COLEC12: variants seen among roughly 807,000 people sequenced by gnomAD.
COLEC12 encodes the protein collectin-12.
In COLEC12, 33 loss-of-function variants were observed where a neutral mutation model predicts 71.1. That is an observed-to-expected ratio of 0.46 (90% CI 0.35 to 0.62). The LOEUF is 0.62. Ranked by LOEUF, COLEC12 falls within the 20% of genes least tolerant of loss-of-function variation. COLEC12 has a pLI of 0.00. For synonymous variants in COLEC12, 350 were observed against 353.0 expected (o/e 0.99, Z 0.10); for missense variants, 765 against 916.1 (o/e 0.84, Z 2.13).
At chr18:352,838 C>G (rs183584486) in intron 3 of COLEC12, among the ~76,000 whole-genome samples, 41 of 152,294 alleles carry the variant, frequency 2.7e-4, no homozygotes, top group African/African-American at 8.7e-4. Flanking sequence ...CTGGAAATTC[C>G]CAGTCTATAG....
At chr18:433,455 C>G (rs1480446332) in intron 2 of COLEC12, among the ~76,000 whole-genome samples, 2 of 152,094 alleles carry the variant, frequency 1.3e-5, no homozygotes, top group Non-Finnish European at 2.9e-5. Flanking sequence ...AGTCTGAAGG[C>G]TATTTGAGTA....
At chr18:459,381 C>A (rs2143730479) in intron 2 of COLEC12, among the ~76,000 whole-genome samples, 1 of 152,260 alleles carries the variant, frequency 6.6e-6, no homozygotes, top group African/African-American at 2.4e-5. Flanking sequence ...TAAGCACTGC[C>A]CATCAGAAAA....
At chr18:433,151 C>T (rs1469927202) in intron 2 of COLEC12, among the ~76,000 whole-genome samples, 1 of 152,156 alleles carries the variant, frequency 6.6e-6, no homozygotes, top group African/African-American at 2.4e-5. Context: ...GGTAGTCCTT[C>T]AAACAAGTTA....
chr18:387,723 T>A (rs894154978), intron 2 of COLEC12, among the ~76,000 whole-genome samples: 13 of 152,338 alleles, frequency 8.5e-5, no homozygotes, highest in African/African-American at 2.9e-4. Flanking sequence ...TTGGGATCTT[T>A]GTTGAGAGAA....
In COLEC12 at chr18:317,490, C is replaced by A. The variant is rs1490070985; in HGVS notation, c.*2555G>T. 1 of 152,168 alleles carries A rather than the reference C, an allele frequency of 6.6e-6. No individual in the cohort carries two copies. The highest frequency in any genetic ancestry group is 2.4e-5 in the African/African-American group (1 of 41,416). The allele number at this position is 152,168 out of a possible 1,614,324, so 9.4% of individuals were successfully genotyped here. On this transcript the variant is annotated 3_prime_UTR_variant, in exon 10 of 10. Transcript: ENST00000400256. ...GAAATGGGGAGTGTAGTAAGACCTG[C>A]TTCCTAGGGCTGTTGGGAGGATCAG...
chr18:471,733 T>C (rs1413214390), intron 2 of COLEC12, among the ~76,000 whole-genome samples: 1 of 151,816 alleles, frequency 6.6e-6, no homozygotes, highest in Non-Finnish European at 1.5e-5. Flanking sequence ...TATTACATTA[T>C]ATATTATAGA....
Position 319,994 on chromosome 18 carries a change from C to A in COLEC12, c.*51G>T. On this transcript the variant is annotated 3_prime_UTR_variant, in exon 10 of 10. Transcript: ENST00000400256. The stretch of plus-strand genomic sequence containing the variant: ...AGGTGATGCAATTAGAAAGGAGTGT[C>A]CTTTGCCTTTGAGAGCTGAAAATTT... 8.8e-7 allele frequency: 1 copy of A among 1,130,238 alleles called. No individual in the cohort carries two copies. The highest frequency in any genetic ancestry group is 1.4e-5 in the South Asian group (1 of 72,864). 70.0% of individuals were successfully genotyped at this position (1,130,238 alleles called of 1,614,324 possible).
chr18:413,411 G>T (rs1386721911), intron 2 of COLEC12, among the ~76,000 whole-genome samples: 1 of 152,204 alleles, frequency 6.6e-6, no homozygotes, highest in Non-Finnish European at 1.5e-5. Context: ...AATGTAAAAT[G>T]GTACAGTCAC....
intron 2 of COLEC12, among the ~76,000 whole-genome samples, chr18:467,168 C>T (rs147092891): frequency 6.2e-4 from 95 of 152,126 alleles, no homozygotes; most frequent in African/African-American, 2.2e-3. Context: ...CTAATGCTGA[C>T]TTCAATTTTC....
intron 5 of COLEC12, among the ~76,000 whole-genome samples, chr18:339,481 G>A (rs1473453930): frequency 1.3e-5 from 2 of 152,192 alleles, no homozygotes; most frequent in Non-Finnish European, 2.9e-5. Flanking sequence ...GGGGGGAAAT[G>A]CACGTTTTTG....
intron 2 of COLEC12, among the ~76,000 whole-genome samples, chr18:465,850 A>G (rs894007074): frequency 6.6e-6 from 1 of 152,134 alleles, no homozygotes; most frequent in African/African-American, 2.4e-5. Context: ...AAGCAGGTGG[A>G]TCACTTGAGG....
At chr18:389,855 C>G (rs903533842) in intron 2 of COLEC12, among the ~76,000 whole-genome samples, 1 of 152,140 alleles carries the variant, frequency 6.6e-6, no homozygotes, top group Non-Finnish European at 1.5e-5. Context: ...TCTCTGAGCC[C>G]AACCAACAAA....
chr18:385,362 T>C (rs1280523499), intron 2 of COLEC12, among the ~76,000 whole-genome samples: 5 of 142,470 alleles, frequency 3.5e-5, no homozygotes, highest in African/African-American at 1.0e-4. Context: ...TCTCGCTCTG[T>C]TGCCCAGGCT....
intron 2 of COLEC12, among the ~76,000 whole-genome samples, chr18:457,219 G>A (rs973711472): frequency 1.3e-5 from 2 of 152,182 alleles, no homozygotes; most frequent in East Asian, 1.9e-4. Flanking sequence ...GATTATGGAC[G>A]CGAGCCGTGT....
intron 2 of COLEC12, among the ~76,000 whole-genome samples, chr18:423,323 C>T (rs1289946145): frequency 6.6e-6 from 1 of 152,108 alleles, no homozygotes; most frequent in East Asian, 1.9e-4. Flanking sequence ...TGCAGGACAT[C>T]GTGTTAACTA....
At chr18:439,987 G>A (rs1567908350) in intron 2 of COLEC12, among the ~76,000 whole-genome samples, 1 of 37,270 alleles carries the variant, frequency 2.7e-5, no homozygotes, top group Non-Finnish European at 6.5e-5. Context: ...TTGTGTGTAT[G>A]AATGCACACA....
rs117950958 is a variant in COLEC12 at position 438,479 on chromosome 18, A to T, written c.58+42228T>A. Among the ~76,000 whole-genome samples, 8 of 152,294 alleles carry T rather than the reference A, an allele frequency of 5.3e-5. No homozygotes were observed. The East Asian group carries it at 1.5e-3, about 29-fold the overall frequency. Reference sequence around the variant, plus strand: ...TAAGTCAAGTTTAGCTGCACTTAATAAAAAAAGACAACATATTAGAGATAC... The same window carrying T: ...TAAGTCAAGTTTAGCTGCACTTAATTAAAAAAGACAACATATTAGAGATAC... On this transcript the variant is annotated intron_variant, in intron 2 of 9. Coordinates refer to ENST00000400256, the MANE Select transcript of COLEC12 (RefSeq NM_130386.3).
intron 1 of COLEC12, among the ~76,000 whole-genome samples, chr18:489,980 T>G (rs1917590494): frequency 6.6e-6 from 1 of 152,256 alleles, no homozygotes; most frequent in Non-Finnish European, 1.5e-5. Flanking sequence ...AGCAATTCCT[T>G]CCAGCCCTCC....
chr18:431,895 A>G (rs151317769), intron 2 of COLEC12, among the ~76,000 whole-genome samples: 382 of 152,294 alleles, frequency 2.5e-3, no homozygotes, highest in African/African-American at 8.8e-3. Context: ...GATTTTATAT[A>G]TGTATATCTC....
Sources: allele counts gnomAD v4.1 joint callset (sites outside exome capture counted in the v4.1 genomes callset), GRCh38; gene constraint gnomAD v4.1.1; transcripts MANE v1.5; gene names NCBI Gene and HGNC (gene_info 2026-07-23, HGNC 2026-07-21).